RUNX1: variants seen among roughly 807,000 people sequenced by gnomAD.
The protein encoded by RUNX1 is RUNX family transcription factor 1.
In RUNX1, 19 loss-of-function variants were observed where a neutral mutation model predicts 42.8. The ratio of observed to expected loss-of-function variants is 0.44; its 90% CI spans 0.31 to 0.65. The LOEUF (loss-of-function observed/expected upper bound fraction) is 0.65. Among genes scored for constraint, RUNX1 ranks in the 30% least tolerant of loss-of-function variants. The pLI is 0.07. For missense variants in RUNX1, 528 were observed against 672.0 expected (o/e 0.79, Z 2.37); for synonymous variants, 271 against 289.4 (o/e 0.94, Z 0.64).
chr21:34,799,262 CCAGCT>C (rs1340310799), intron 8 of RUNX1, 34 bp downstream of exon 8: 2 of 1,612,360 alleles, frequency 1.2e-6, no homozygotes, highest in Non-Finnish European at 1.7e-6. Context: ...ACCTTCCACC[CCAGCT>C]CAGCTGCAAA....
intron 2 of RUNX1, among the ~76,000 whole-genome samples, chr21:34,928,648 C>T (rs149744130): frequency 6.6e-6 from 1 of 151,096 alleles, no homozygotes; most frequent in African/African-American, 2.4e-5. Context: ...CCACTGCACT[C>T]CAGCCTGGGC....
chr21:34,853,256 T>C (rs559804628), intron 6 of RUNX1, among the ~76,000 whole-genome samples: 1 of 151,396 alleles, frequency 6.6e-6, no homozygotes, highest in African/African-American at 2.4e-5. Flanking sequence ...TCTGGGGAGG[T>C]GTGGGAGGGG....
intron 2 of RUNX1, among the ~76,000 whole-genome samples, chr21:34,978,270 T>C (rs1452501540): frequency 1.3e-5 from 2 of 152,226 alleles, no homozygotes; most frequent in African/African-American, 4.8e-5. Context: ...ATGAGAAATC[T>C]GTAAAAAATT....
intron 2 of RUNX1, among the ~76,000 whole-genome samples, chr21:34,967,491 A>G (rs1190910710): frequency 6.6e-6 from 1 of 151,584 alleles, no homozygotes; most frequent in African/African-American, 2.4e-5. Flanking sequence ...CCCTGAACAC[A>G]GGATCTCAGT....
intron 2 of RUNX1, among the ~76,000 whole-genome samples, chr21:35,032,900 A>C (rs928041877): frequency 1.3e-5 from 2 of 152,186 alleles, no homozygotes; most frequent in Non-Finnish European, 2.9e-5. Flanking sequence ...ACATCCACTG[A>C]TGTTTTTACA....
At chr21:34,889,666 G>A in intron 3 of RUNX1, 1 of 1,144,320 alleles carries the variant, frequency 8.7e-7, no homozygotes, top group Non-Finnish European at 1.1e-6. Context: ...GGCCCCAGGT[G>A]CGGAACCCAC....
chr21:34,886,058 T>TTTCCAAAGCTTTG (rs1342319636), intron 4 of RUNX1, among the ~76,000 whole-genome samples: 1 of 152,242 alleles, frequency 6.6e-6, no homozygotes, highest in Non-Finnish European at 1.5e-5. Context: ...GCCGCCGCGC[T>TTTCCAAAGCTTTG]GAAGTCTCCG....
intron 2 of RUNX1, among the ~76,000 whole-genome samples, chr21:35,041,684 G>A (rs547959365): frequency 1.9e-4 from 25 of 133,870 alleles, no homozygotes; most frequent in Non-Finnish European, 3.7e-4. Context: ...TTTTAACGAA[G>A]CAATGACTTT....
At chr21:34,952,437 G>A (rs1244825126) in intron 2 of RUNX1, among the ~76,000 whole-genome samples, 1 of 151,924 alleles carries the variant, frequency 6.6e-6, no homozygotes, top group Admixed American at 6.6e-5. Context: ...AAATAGTATG[G>A]AATTGGCCTG....
chr21:34,913,609 C>T (rs1232821903), intron 2 of RUNX1, among the ~76,000 whole-genome samples: 1 of 152,190 alleles, frequency 6.6e-6, no homozygotes, highest in Non-Finnish European at 1.5e-5. Context: ...AGAATGCATA[C>T]TTTGCACCAC....
chr21:34,819,660 G>C (rs1170281746), intron 7 of RUNX1, among the ~76,000 whole-genome samples: 1 of 152,218 alleles, frequency 6.6e-6, no homozygotes, highest in Non-Finnish European at 1.5e-5. Context: ...TCTGGTCCCA[G>C]CTCTCTCCCT....
intron 6 of RUNX1, among the ~76,000 whole-genome samples, chr21:34,836,646 G>A (rs1230161085): frequency 6.6e-6 from 1 of 152,208 alleles, no homozygotes; most frequent in African/African-American, 2.4e-5. Context: ...CAATGATTGT[G>A]GAGAGCTCTA....
chr21:35,013,212 T>A (rs2059137826), intron 2 of RUNX1, among the ~76,000 whole-genome samples: 1 of 152,206 alleles, frequency 6.6e-6, no homozygotes, highest in African/African-American at 2.4e-5. Flanking sequence ...GTAAATAACA[T>A]TATATTGGGG....
intron 2 of RUNX1, among the ~76,000 whole-genome samples, chr21:34,908,997 C>A (rs2058248970): frequency 6.6e-6 from 1 of 152,054 alleles, no homozygotes; most frequent in Admixed American, 6.6e-5. Context: ...AATCTCATTA[C>A]CTTTAGAAGA....
intron 2 of RUNX1, among the ~76,000 whole-genome samples, chr21:35,025,354 T>C (rs184028224): frequency 1.9e-4 from 29 of 152,260 alleles, no homozygotes; most frequent in Admixed American, 1.6e-3. Flanking sequence ...CCTTCTTGAG[T>C]GCATTCAAAG....
At position 35,017,421 on chromosome 21, in the gene RUNX1, T is replaced by C. The variant is rs549327246; in HGVS notation, c.58+31421A>G. On this transcript the variant is annotated intron_variant, in intron 2 of 8. Coordinates refer to ENST00000675419, the MANE Select transcript of RUNX1 (RefSeq NM_001754.5). ...GACAATTGCATCATCAATTTGCAGA[T>C]GTCAGAATGTCACATTTTGGTTAGG... Among the ~76,000 whole-genome samples the C allele has an allele frequency of 2.0e-5, 3 of 152,282 alleles. No homozygotes were observed. The East Asian group carries it at 5.8e-4, about 29-fold the overall frequency.
At chr21:35,010,450 A>T (rs1009287589) in intron 2 of RUNX1, among the ~76,000 whole-genome samples, 4 of 152,192 alleles carry the variant, frequency 2.6e-5, no homozygotes, top group African/African-American at 7.2e-5. Flanking sequence ...TCACATTAAG[A>T]CATGTCCTTT....
chr21:34,943,811 G>A (rs553074979), intron 2 of RUNX1, among the ~76,000 whole-genome samples: 18 of 152,298 alleles, frequency 1.2e-4, no homozygotes, highest in African/African-American at 3.8e-4. Flanking sequence ...CTACACAAAT[G>A]TTGAGCTAAA....
chr21:34,792,193 G>T lies in RUNX1; in HGVS notation c.1385C>A (p.Ser462Tyr), dbSNP rs867153984. ...CGCGGAGGGCGCCATGTTGGTGGGGGAGTTGCTGTGGCTGCCCTCGGCCTC... is the reference window on the plus strand; with the variant it reads ...CGCGGAGGGCGCCATGTTGGTGGGGTAGTTGCTGTGGCTGCCCTCGGCCTC... ...VVEAEGSHSNSPTNMAPSARL... is the reference protein window; with the variant it reads ...VVEAEGSHSNYPTNMAPSARL... The change falls in exon 9 of 9, where the codon TCC becomes TAC. Residue 462 changes from serine (S) to tyrosine (Y), a missense_variant. Ser to Tyr is a moderately radical substitution (Grantham distance 144). Around this residue, in one of 3 missense-constraint regions of RUNX1, gnomAD observed 331 missense variants for 382.5 expected, o/e 0.87. Coordinates refer to ENST00000675419, the MANE Select transcript of RUNX1 (RefSeq NM_001754.5). The surrounding 1 kb of genome is among the most constrained non-coding windows in gnomAD (Gnocchi z 6.9). The T allele has an allele frequency of 6.5e-7, 1 of 1,537,762 alleles. No individual in the cohort carries two copies. The highest frequency in any genetic ancestry group is 2.4e-5 in the East Asian group (1 of 41,464).
Sources: gnomAD v4.1 joint callset for allele counts (sites outside exome capture counted in the v4.1 genomes callset) on GRCh38, gnomAD v4.1.1 for gene constraint, gnomAD v4.1.1 regional missense constraint, Gnocchi (gnomAD v3.1) non-coding constraint, MANE v1.5 for transcripts, NCBI Gene and HGNC (gene_info 2026-07-23, HGNC 2026-07-21) for gene names.